GNA12: variants seen among roughly 807,000 people sequenced by gnomAD.
The protein encoded by GNA12 is G protein subunit alpha 12.
A neutral mutation model predicts 26.0 loss-of-function variants in GNA12; 9 were observed. The ratio of observed to expected loss-of-function variants is 0.35; its 90% confidence interval spans 0.21 to 0.60. GNA12 has a LOEUF of 0.60. Ranked by LOEUF, GNA12 falls within the 20% of genes least tolerant of loss-of-function variation. The pLI, the probability that GNA12 is intolerant of heterozygous loss-of-function variation, is 0.78. For missense variants in GNA12, 405 were observed against 525.8 expected (o/e 0.77, Z 2.25); for synonymous variants, 264 against 219.6 (o/e 1.20, Z -1.79).
chr7:2,843,370 G>C (rs2533872), intron 1 of GNA12, among the ~76,000 whole-genome samples: 37,124 of 151,820 alleles, frequency 0.24, 5,157 homozygotes, highest in East Asian at 0.34. Flanking sequence ...CAGACCGGGC[G>C]CCATGACTCA....
intron 1 of GNA12, among the ~76,000 whole-genome samples, chr7:2,796,204 T>C (rs899120542): frequency 6.6e-6 from 1 of 152,154 alleles, no homozygotes; most frequent in Non-Finnish European, 1.5e-5. Flanking sequence ...AGACCCTCAG[T>C]GGATGTCTGA....
At chr7:2,790,677 G>A (rs1008587989) in intron 2 of GNA12, among the ~76,000 whole-genome samples, 4 of 152,142 alleles carry the variant, frequency 2.6e-5, no homozygotes, top group Non-Finnish European at 5.9e-5. Flanking sequence ...AAAATTCAAA[G>A]GTACACCAAG....
intron 2 of GNA12, among the ~76,000 whole-genome samples, chr7:2,774,281 G>C (rs1792021633): frequency 6.6e-6 from 1 of 152,062 alleles, no homozygotes; most frequent in Admixed American, 6.6e-5. Context: ...ATATATGTGT[G>C]TATATATATG....
intron 1 of GNA12, among the ~76,000 whole-genome samples, chr7:2,828,237 G>GA (rs1292738805): frequency 6.6e-6 from 1 of 152,210 alleles, no homozygotes; most frequent in East Asian, 1.9e-4. Context: ...AATACAGGGA[G>GA]AAAAGGCTTT....
In GNA12 at chr7:2,735,091, G is replaced by A. The variant is rs143393765; in HGVS notation, c.526-1590C>T. ...TCCACACCCTGACAGGAAGCAGCTG[G>A]GAGAAGCCGTTGGGTGCACTCACTC... On this transcript the variant is annotated intron_variant, in intron 2 of 3. Coordinates refer to ENST00000275364, the MANE Select transcript of GNA12 (RefSeq NM_007353.3). Among the ~76,000 whole-genome samples, 128 of 145,532 alleles carry A rather than the reference G, an allele frequency of 8.8e-4. 1 individual carries two copies. Among genetic ancestry groups the A allele is most frequent in the African/African-American group, 3.0e-3 (119 of 39,496 alleles).
chr7:2,822,024 G>A (rs1269249567), intron 1 of GNA12, among the ~76,000 whole-genome samples: 1 of 152,208 alleles, frequency 6.6e-6, no homozygotes, highest in Admixed American at 6.5e-5. Flanking sequence ...ATTCCAGGAT[G>A]TGATGACTAG....
intron 1 of GNA12, among the ~76,000 whole-genome samples, chr7:2,843,560 G>C (rs368874409): frequency 6.6e-6 from 1 of 152,046 alleles, no homozygotes; most frequent in Non-Finnish European, 1.5e-5. Context: ...GGAGGGAGTA[G>C]GGCTTGAGCC....
intron 2 of GNA12, among the ~76,000 whole-genome samples, chr7:2,768,307 G>T (rs1356311657): frequency 6.6e-6 from 1 of 152,216 alleles, no homozygotes; most frequent in Non-Finnish European, 1.5e-5. Context: ...AGTGACTAAG[G>T]AATTGCTAAT....
intron 1 of GNA12, among the ~76,000 whole-genome samples, chr7:2,810,916 A>T (rs966995515): frequency 2.5e-4 from 38 of 151,798 alleles, no homozygotes; most frequent in Non-Finnish European, 4.4e-4. Flanking sequence ...AAAGAAAGAA[A>T]GAAAGAAAAA....
chr7:2,820,388 T>C (rs1034222403), intron 1 of GNA12, among the ~76,000 whole-genome samples: 13 of 146,770 alleles, frequency 8.9e-5, no homozygotes, highest in Non-Finnish European at 1.5e-4. Flanking sequence ...ATGTGAGTTA[T>C]AGCTCAATAA....
intron 2 of GNA12, among the ~76,000 whole-genome samples, chr7:2,761,253 T>C (rs973175985): frequency 6.6e-6 from 1 of 151,910 alleles, no homozygotes; most frequent in Non-Finnish European, 1.5e-5. Flanking sequence ...GATGGCACAG[T>C]CCCCCTCTGG....
Position 2,804,441 on chromosome 7 carries a change from T to C in GNA12, c.310-9298A>G, listed in dbSNP as rs1027788347. 7.9e-5 allele frequency among the ~76,000 whole-genome samples: 12 copies of C among 152,304 alleles called. 1 individual carries two copies. The highest frequency in any genetic ancestry group is 2.6e-4 in the African/African-American group (11 of 41,576). On this transcript the variant is annotated intron_variant, in intron 1 of 3. Transcript: ENST00000275364. ...CACCGGGTTCCTCTGGACTATGGTC[T>C]GAGTGCCACTGGGCCAGACTCTTGT...
intron 1 of GNA12, among the ~76,000 whole-genome samples, chr7:2,840,935 G>C (rs1778972896): frequency 6.6e-6 from 1 of 152,152 alleles, no homozygotes; most frequent in African/African-American, 2.4e-5. Flanking sequence ...GGGCTGAAGA[G>C]GAGGAAACGA....
chr7:2,741,796 C>T (rs1388933358), intron 2 of GNA12, among the ~76,000 whole-genome samples: 1 of 151,328 alleles, frequency 6.6e-6, no homozygotes, highest in Non-Finnish European at 1.5e-5. Flanking sequence ...CTTCTACAAC[C>T]ACGGCAACTT....
chr7:2,732,743 A>C (rs1185688361), intron 3 of GNA12, among the ~76,000 whole-genome samples: 1 of 152,196 alleles, frequency 6.6e-6, no homozygotes, highest in African/African-American at 2.4e-5. Flanking sequence ...GTGGAAGAGC[A>C]AAGTCCACAT....
chr7:2,780,161 G>A (rs1264724719), intron 2 of GNA12, among the ~76,000 whole-genome samples: 1 of 146,810 alleles, frequency 6.8e-6, no homozygotes, highest in Non-Finnish European at 1.5e-5. Flanking sequence ...TTCACTTGAT[G>A]CGTCAGGGAC....
At chr7:2,763,809 G>A (rs1425313207) in intron 2 of GNA12, among the ~76,000 whole-genome samples, 1 of 152,184 alleles carries the variant, frequency 6.6e-6, no homozygotes, top group Admixed American at 6.5e-5. Context: ...CTGGGCAGGC[G>A]AGGCCGGGAC....
intron 2 of GNA12, among the ~76,000 whole-genome samples, chr7:2,756,761 A>G (rs1791317779): frequency 6.6e-6 from 1 of 152,174 alleles, no homozygotes; most frequent in African/African-American, 2.4e-5. Flanking sequence ...AATATGATGG[A>G]ACATCACTTT....
intron 2 of GNA12, among the ~76,000 whole-genome samples, chr7:2,768,485 T>G (rs1052680340): frequency 6.6e-6 from 1 of 152,078 alleles, no homozygotes; most frequent in Non-Finnish European, 1.5e-5. Context: ...TGAAATGAAA[T>G]CACATCCTAG....
Sources: allele counts gnomAD v4.1 joint callset (sites outside exome capture counted in the v4.1 genomes callset), GRCh38; gene constraint gnomAD v4.1.1; transcripts MANE v1.5; gene names NCBI Gene and HGNC (gene_info 2026-07-23, HGNC 2026-07-21).